The following HS3ST3A1 variants were observed in gnomAD, a reference collection of about 807,000 sequenced individuals.
HS3ST3A1 encodes the protein heparan sulfate glucosamine 3-O-sulfotransferase 3A1.
HS3ST3A1 carries 19 observed loss-of-function variants against 25.7 expected under a neutral mutation model. The ratio of observed to expected loss-of-function variants is 0.74; its 90% confidence interval spans 0.52 to 1.08. The LOEUF is 1.08. Ranked by LOEUF, HS3ST3A1 falls within the 50% of genes least tolerant of loss-of-function variation. The pLI is 0.00. For missense variants in HS3ST3A1, 459 were observed against 594.3 expected (o/e 0.77, Z 2.37); for synonymous variants, 226 against 278.6 (o/e 0.81, Z 1.88).
intron 1 of HS3ST3A1, among the ~76,000 whole-genome samples, chr17:13,504,155 A>T (rs1905579733): frequency 6.6e-6 from 1 of 152,158 alleles, no homozygotes; most frequent in Non-Finnish European, 1.5e-5. Context: ...CTACCAAAAA[A>T]TACAAAAATT....
chr17:13,560,044 CT>C lies in HS3ST3A1; in HGVS notation c.599+40486del, dbSNP rs1297723637. 4.6e-5 allele frequency among the ~76,000 whole-genome samples: 7 copies of C among 151,660 alleles called. No homozygotes were observed. In the East Asian group the frequency reaches 1.4e-3, roughly 30 times the overall value. On this transcript the variant is annotated intron_variant, in intron 1 of 1. Coordinates refer to ENST00000284110, the MANE Select transcript of HS3ST3A1 (RefSeq NM_006042.3). ...GTGGTTCACGCCTGTAATCACAGCACTTTGGGAGGCCGAGGCAGGCAGATCA... is the reference window on the plus strand; with the variant it reads ...GTGGTTCACGCCTGTAATCACAGCACTTGGGAGGCCGAGGCAGGCAGATCA...
At chr17:13,535,088 G>A (rs1906730189) in intron 1 of HS3ST3A1, among the ~76,000 whole-genome samples, 1 of 151,980 alleles carries the variant, frequency 6.6e-6, no homozygotes. Flanking sequence ...CTGAACCAAT[G>A]CTCCTAGAGG....
At chr17:13,538,395 T>C (rs958136214) in intron 1 of HS3ST3A1, among the ~76,000 whole-genome samples, 1 of 152,210 alleles carries the variant, frequency 6.6e-6, no homozygotes, top group African/African-American at 2.4e-5. Flanking sequence ...ATTTTCATAG[T>C]AGCACTTAGA....
At chr17:13,554,733 T>C (rs976083816) in intron 1 of HS3ST3A1, among the ~76,000 whole-genome samples, 10 of 152,220 alleles carry the variant, frequency 6.6e-5, no homozygotes, top group African/African-American at 1.9e-4. Context: ...GAAGAGGAAA[T>C]GTTCATCCAG....
At chr17:13,571,267 G>A (rs796401643) in intron 1 of HS3ST3A1, among the ~76,000 whole-genome samples, 7 of 152,254 alleles carry the variant, frequency 4.6e-5, no homozygotes, top group African/African-American at 1.2e-4. Context: ...TCTGTGTGAC[G>A]GCAATACTAG....
chr17:13,519,557 T>C (rs1301364280), intron 1 of HS3ST3A1, among the ~76,000 whole-genome samples: 1 of 152,164 alleles, frequency 6.6e-6, no homozygotes, highest in East Asian at 1.9e-4. Flanking sequence ...ATGATGATGA[T>C]GATGATGATG....
chr17:13,528,961 T>G (rs1906519426), intron 1 of HS3ST3A1, among the ~76,000 whole-genome samples: 1 of 151,940 alleles, frequency 6.6e-6, no homozygotes. Context: ...GAGATAAAGC[T>G]GGGAAATACG....
At chr17:13,564,910 C>T (rs1049810773) in intron 1 of HS3ST3A1, among the ~76,000 whole-genome samples, 1 of 151,762 alleles carries the variant, frequency 6.6e-6, no homozygotes, top group Non-Finnish European at 1.5e-5. Context: ...TTAGTAGAGA[C>T]GGGGTTCTGC....
chr17:13,568,232 G>T (rs969350983), intron 1 of HS3ST3A1, among the ~76,000 whole-genome samples: 1 of 152,136 alleles, frequency 6.6e-6, no homozygotes, highest in East Asian at 1.9e-4. Flanking sequence ...TTAAACTAAG[G>T]TATGTACTTT....
chr17:13,578,812 A>G (rs1908021868), intron 1 of HS3ST3A1, among the ~76,000 whole-genome samples: 1 of 152,208 alleles, frequency 6.6e-6, no homozygotes, highest in South Asian at 2.1e-4. Context: ...ATGTCAATAT[A>G]AGCAATTATT....
chr17:13,500,527 C>A (rs1191317303), intron 1 of HS3ST3A1, among the ~76,000 whole-genome samples: 2 of 152,226 alleles, frequency 1.3e-5, no homozygotes, highest in South Asian at 2.1e-4. Context: ...CCTGAAGACA[C>A]AACAGGTGAA....
intron 1 of HS3ST3A1, among the ~76,000 whole-genome samples, chr17:13,595,690 T>G (rs1908555708): frequency 6.6e-6 from 1 of 152,208 alleles, no homozygotes; most frequent in Non-Finnish European, 1.5e-5. Context: ...ACGATGCTCT[T>G]TTTCAGCCAA....
At chr17:13,592,552 T>G (rs2142393865) in intron 1 of HS3ST3A1, among the ~76,000 whole-genome samples, 1 of 152,334 alleles carries the variant, frequency 6.6e-6, no homozygotes, top group Non-Finnish European at 1.5e-5. Context: ...GAAATTATTT[T>G]TAACTACATA....
chr17:13,534,576 A>G (rs1906711510), intron 1 of HS3ST3A1, among the ~76,000 whole-genome samples: 1 of 140,136 alleles, frequency 7.1e-6, no homozygotes, highest in South Asian at 2.3e-4. Flanking sequence ...AAAAAAAAAA[A>G]AGTTAGCCGG....
At chr17:13,503,173 CAAAAAA>C (rs144678351) in intron 1 of HS3ST3A1, among the ~76,000 whole-genome samples, 2 of 86,870 alleles carry the variant, frequency 2.3e-5, no homozygotes, top group African/African-American at 8.4e-5. Context: ...GACTCCATCT[CAAAAAA>C]AAAAAAAAAA....
intron 1 of HS3ST3A1, among the ~76,000 whole-genome samples, chr17:13,590,182 A>G (rs973042756): frequency 1.3e-5 from 2 of 152,182 alleles, no homozygotes; most frequent in Non-Finnish European, 2.9e-5. Flanking sequence ...AAGGACCCAA[A>G]GACCAATCAC....
At chr17:13,582,426 C>A (rs1299044233) in intron 1 of HS3ST3A1, among the ~76,000 whole-genome samples, 1 of 152,158 alleles carries the variant, frequency 6.6e-6, no homozygotes, top group African/African-American at 2.4e-5. Context: ...TTTGCCCGAA[C>A]CTTTACAACT....
At chr17:13,505,631 C>T (rs1905638845) in intron 1 of HS3ST3A1, among the ~76,000 whole-genome samples, 2 of 150,348 alleles carry the variant, frequency 1.3e-5, no homozygotes, top group Non-Finnish European at 1.5e-5. Context: ...ATGACTGAAA[C>T]AATGTAGACA....
At chr17:13,517,644 T>C (rs918320826) in intron 1 of HS3ST3A1, among the ~76,000 whole-genome samples, 3 of 152,046 alleles carry the variant, frequency 2.0e-5, no homozygotes, top group Non-Finnish European at 2.9e-5. Flanking sequence ...ATATGTAAAT[T>C]TATTTTATTA....
Sources: gnomAD v4.1 joint callset for allele counts (sites outside exome capture counted in the v4.1 genomes callset) on GRCh38, gnomAD v4.1.1 for gene constraint, MANE v1.5 for transcripts, NCBI Gene and HGNC (gene_info 2026-07-23, HGNC 2026-07-21) for gene names.